The following TIMELESS variants were observed in gnomAD, a reference collection of about 807,000 sequenced individuals.
The protein encoded by TIMELESS is timeless circadian regulator.
TIMELESS carries 124 observed loss-of-function variants against 164.3 expected under a neutral mutation model. The observed-to-expected ratio is 0.75, with a 90% confidence interval of 0.65 to 0.88. The LOEUF is 0.88. Ranked by LOEUF, TIMELESS falls within the 40% of genes least tolerant of loss-of-function variation. The pLI is 0.00. For synonymous variants in TIMELESS, 564 were observed against 563.4 expected, an observed-to-expected ratio of 1.00 and a Z score of -0.02; for missense variants, 1,422 against 1,491.4, an observed-to-expected ratio of 0.95 and a Z score of 0.77.
rs374302421 is a variant in TIMELESS, at chr12:56,445,510, G to A, written c.-62+3800C>T. Among the ~76,000 whole-genome samples the A allele has an allele frequency of 1.5e-4, 22 of 149,372 alleles. No homozygotes were observed. In the East Asian group the frequency reaches 2.3e-3, roughly 16 times the overall value. ...TCCCAGCACTTTGGGAGGCCGAGGC[G>A]GGTGGATCACCTGAGGTCGGGAGTT... On this transcript the variant is annotated intron_variant, in intron 1 of 28. Coordinates refer to ENST00000553532, the MANE Select transcript of TIMELESS (RefSeq NM_003920.5).
chr12:56,428,506 G>C, intron 12 of TIMELESS, 43 bp downstream of exon 12: 2 of 1,609,248 alleles, frequency 1.2e-6, no homozygotes, highest in Non-Finnish European at 1.7e-6. Context: ...TTCTCATCAC[G>C]AGATGGGACA....
chr12:56,444,396 A>G (rs1868320622), intron 1 of TIMELESS, among the ~76,000 whole-genome samples: 1 of 152,198 alleles, frequency 6.6e-6, no homozygotes, highest in Non-Finnish European at 1.5e-5. Context: ...AAAAACATAC[A>G]TATTTCAAAC....
chr12:56,420,315 A>G (rs1474469622), intron 26 of TIMELESS, among the ~76,000 whole-genome samples: 1 of 151,954 alleles, frequency 6.6e-6, no homozygotes, highest in African/African-American at 2.4e-5. Context: ...AACTGTAATC[A>G]AGACTATATT....
intron 7 of TIMELESS, among the ~76,000 whole-genome samples, 161 bp from the exon 8 acceptor site, chr12:56,431,765 C>T (rs753479804): frequency 3.9e-5 from 6 of 151,966 alleles, no homozygotes; most frequent in Non-Finnish European, 7.4e-5. Flanking sequence ...AAGACACCCA[C>T]TGGATGCCTG....
rs1443202539 is a variant in TIMELESS at position 56,418,336 on chromosome 12, G to C, written c.3252C>G (p.Ala1084=). ...SGQETFWRIP[A]KLSPTQLRRA... ...TCCGGAGCTGGGTAGGACTCAGCTT[G>C]GCTGGAATTCGCCAGAAGGTTTCCT... Residue 1084 remains alanine, a synonymous_variant, in exon 27 of 29, where the codon GCC becomes GCG. Coordinates refer to ENST00000553532, the MANE Select transcript of TIMELESS (RefSeq NM_003920.5). The C allele has an allele frequency of 6.2e-7, 1 of 1,611,122 alleles. No individual in the cohort carries two copies. Among genetic ancestry groups the C allele is most frequent in the Admixed American group, 1.7e-5 (1 of 59,320 alleles).
chr12:56,421,647 T>C, intron 22 of TIMELESS, 80 bp downstream of exon 22: 1 of 1,563,834 alleles, frequency 6.4e-7, no homozygotes, highest in East Asian at 2.2e-5. Flanking sequence ...AATCTTTCCT[T>C]GGGAATAAAA....
chr12:56,421,557 G>A, intron 22 of TIMELESS, 64 bp from the exon 23 acceptor site: 1 of 1,569,366 alleles, frequency 6.4e-7, no homozygotes, highest in South Asian at 1.2e-5. Context: ...AAATAAATCA[G>A]AGGTCTCTGG....
chr12:56,439,391 C>CT (rs67588306), intron 1 of TIMELESS, among the ~76,000 whole-genome samples: 142 of 136,434 alleles, frequency 1.0e-3, no homozygotes, highest in Non-Finnish European at 1.2e-3. Flanking sequence ...CAGGGGTTTT[C>CT]TTTTTTTTTT....
Position 56,428,777 on chromosome 12 carries a change from C to T in TIMELESS, c.1304+106G>A. 8 of 1,472,396 alleles carry T rather than the reference C, an allele frequency of 5.4e-6. 1 individual carries two copies. In the South Asian group the frequency reaches 9.4e-5, roughly 17 times the overall value. The allele number at this position is 1,472,396 out of a possible 1,614,324, so 91.2% of individuals were successfully genotyped here. ...AACTAAATTTCCCAGCCAGTCCTTGCTCCCCAGACTGATCACCTGAACCCT... is the reference window on the plus strand; with the variant it reads ...AACTAAATTTCCCAGCCAGTCCTTGTTCCCCAGACTGATCACCTGAACCCT... On this transcript the variant is annotated intron_variant, in intron 11 of 28. Transcript: ENST00000553532.
chr12:56,448,953 G>T (rs1250364116), intron 1 of TIMELESS, among the ~76,000 whole-genome samples: 3 of 152,122 alleles, frequency 2.0e-5, no homozygotes, highest in Non-Finnish European at 4.4e-5. Context: ...CCACACACCG[G>T]TTTTTTTCAG....
In TIMELESS at chr12:56,421,500, A is replaced by G; in HGVS notation, c.2726-7T>C. 1 of 1,605,730 alleles carries G rather than the reference A, an allele frequency of 6.2e-7. No homozygotes were observed. Among genetic ancestry groups the G allele is most frequent in the South Asian group, 1.1e-5 (1 of 90,310 alleles). ...ATGATATGACCCAGGACATCTATAAAAAGCAAGCATGTGAATACCCAAGGG... is the reference window on the plus strand; with the variant it reads ...ATGATATGACCCAGGACATCTATAAGAAGCAAGCATGTGAATACCCAAGGG... On this transcript the variant is annotated splice_region_variant and splice_polypyrimidine_tract_variant and intron_variant, in intron 22 of 28. Coordinates refer to ENST00000553532, the MANE Select transcript of TIMELESS (RefSeq NM_003920.5).
chr12:56,419,307 A>G (rs960220353), intron 26 of TIMELESS, among the ~76,000 whole-genome samples: 1 of 152,210 alleles, frequency 6.6e-6, no homozygotes, highest in African/African-American at 2.4e-5. Flanking sequence ...CACAGGATTA[A>G]GGCTGCATCA....
At chr12:56,447,622 G>A (rs1225972991) in intron 1 of TIMELESS, among the ~76,000 whole-genome samples, 1 of 152,096 alleles carries the variant, frequency 6.6e-6, no homozygotes, top group African/African-American at 2.4e-5. Flanking sequence ...TTAAGGGTCG[G>A]GAACTCTCCA....
At chr12:56,422,736 G>A (rs1881536547) in intron 19 of TIMELESS, 111 bp downstream of exon 19, 2 of 1,241,768 alleles carry the variant, frequency 1.6e-6, no homozygotes, top group African/African-American at 3.0e-5. Context: ...CCATAATAGG[G>A]AAAGAAACAG....
intron 1 of TIMELESS, among the ~76,000 whole-genome samples, chr12:56,439,167 C>CAA (rs57127557): frequency 4.7e-5 from 4 of 85,660 alleles, no homozygotes; most frequent in East Asian, 4.0e-4. Flanking sequence ...AACTCCTTCT[C>CAA]AAAAAAAAAA....
Position 56,417,657 on chromosome 12 carries a change from C to G in TIMELESS, c.*59G>C. 1 of 1,571,688 alleles carries G rather than the reference C, an allele frequency of 6.4e-7. No homozygotes were observed. Among genetic ancestry groups the G allele is most frequent in the Non-Finnish European group, 8.8e-7 (1 of 1,141,930 alleles). ...TGGGTCCTGTATGACCCTTCCAACT[C>G]TGACTTGAATGCACCATCTAAAAAC... On this transcript the variant is annotated 3_prime_UTR_variant, in exon 29 of 29. Transcript: ENST00000553532.
chr12:56,448,360 C>T (rs974605213), intron 1 of TIMELESS, among the ~76,000 whole-genome samples: 2 of 138,214 alleles, frequency 1.4e-5, no homozygotes, highest in African/African-American at 5.4e-5. Flanking sequence ...GAGCCGAGAT[C>T]GGACCACTGC....
intron 1 of TIMELESS, among the ~76,000 whole-genome samples, chr12:56,446,142 C>A (rs952603048): frequency 6.6e-6 from 1 of 152,118 alleles, no homozygotes; most frequent in Non-Finnish European, 1.5e-5. Context: ...TGGGCTCAAG[C>A]GACCCACCCA....
At position 56,418,159 on chromosome 12, in the gene TIMELESS, C is replaced by T; in HGVS notation, c.3429G>A (p.Lys1143=). ...CCTCTGGGGATGCCAGGCCCGCTTT[C>T]TTCTTGTGGGCTAGCAAGAGGGCCC... is the stretch of plus-strand genomic sequence containing the variant. The part of the protein sequence containing the change: ...ALRALLLAHK[K]KAGLASPEEE... Residue 1143 remains lysine, a synonymous_variant, in exon 27 of 29, where the codon AAG becomes AAA. Coordinates refer to ENST00000553532, the MANE Select transcript of TIMELESS (RefSeq NM_003920.5). The T allele has an allele frequency of 1.9e-6, 3 of 1,614,220 alleles. No homozygotes were observed. The highest frequency in any genetic ancestry group is 2.5e-6 in the Non-Finnish European group (3 of 1,180,038).
Sources: gnomAD v4.1 joint callset for allele counts (sites outside exome capture counted in the v4.1 genomes callset) on GRCh38, gnomAD v4.1.1 for gene constraint, MANE v1.5 for transcripts, NCBI Gene and HGNC (gene_info 2026-07-23, HGNC 2026-07-21) for gene names.